PSD3: variants seen among roughly 807,000 people sequenced by gnomAD.
PSD3 encodes pleckstrin and Sec7 domain containing 3, also known as PH and SEC7 domain-containing protein 3.
A neutral mutation model predicts 105.5 loss-of-function variants in PSD3; 49 were observed. That is an observed-to-expected ratio of 0.46 (90% CI 0.37 to 0.59). The LOEUF (loss-of-function observed/expected upper bound fraction) is 0.59. Ranked by LOEUF, PSD3 falls within the 20% of genes least tolerant of loss-of-function variation. PSD3 has a pLI of 0.00. For synonymous variants in PSD3, 557 were observed against 457.8 expected (o/e 1.22, Z -2.77); for missense variants, 1,561 against 1,263.8 (o/e 1.24, Z -3.57).
chr8:18,879,331 C>T (rs1279058066), intron 2 of PSD3, among the ~76,000 whole-genome samples: 1 of 152,164 alleles, frequency 6.6e-6, no homozygotes, highest in Non-Finnish European at 1.5e-5. Flanking sequence ...CCCTGCGTGA[C>T]AGATTGCTTG....
At chr8:18,986,924 G>A (rs1825528408) in intron 1 of PSD3, among the ~76,000 whole-genome samples, 1 of 152,080 alleles carries the variant, frequency 6.6e-6, no homozygotes. Context: ...ACCCATTTAT[G>A]CTTAGTGTTC....
intron 1 of PSD3, among the ~76,000 whole-genome samples, chr8:18,991,400 A>ACACACT (rs1448423086): frequency 6.9e-6 from 1 of 145,584 alleles, no homozygotes; most frequent in African/African-American, 2.5e-5. Context: ...ACACACACAC[A>ACACACT]CTCCTGAAAC....
At chr8:18,729,231 C>T (rs1027623498) in intron 9 of PSD3, among the ~76,000 whole-genome samples, 5 of 152,208 alleles carry the variant, frequency 3.3e-5, no homozygotes, top group Non-Finnish European at 7.3e-5. Context: ...ACGTCCCCCA[C>T]AATCCACAAA....
intron 4 of PSD3, among the ~76,000 whole-genome samples, chr8:18,838,528 G>A (rs933092092): frequency 1.3e-5 from 2 of 152,106 alleles, no homozygotes; most frequent in South Asian, 2.1e-4. Context: ...CCGGCTGAGC[G>A]TGGTGGCTCA....
intron 4 of PSD3, among the ~76,000 whole-genome samples, chr8:18,850,499 G>T (rs1308661859): frequency 1.3e-5 from 2 of 152,166 alleles, no homozygotes; most frequent in African/African-American, 4.8e-5. Flanking sequence ...TCACCCTTAA[G>T]AGATTTTCAT....
At chr8:18,813,323 C>A (rs138060391) in intron 4 of PSD3, among the ~76,000 whole-genome samples, 1 of 152,004 alleles carries the variant, frequency 6.6e-6, no homozygotes, top group Non-Finnish European at 1.5e-5. Context: ...GAGTTTGGTT[C>A]GAAGAAACGA....
At chr8:18,717,482 T>C (rs2129424893) in intron 9 of PSD3, among the ~76,000 whole-genome samples, 2 of 152,230 alleles carry the variant, frequency 1.3e-5, no homozygotes, top group South Asian at 4.1e-4. Context: ...CTTTATACAA[T>C]GTTAATGTTG....
At chr8:18,935,809 A>T (rs542419948) in intron 2 of PSD3, among the ~76,000 whole-genome samples, 25 of 152,356 alleles carry the variant, frequency 1.6e-4, no homozygotes, top group African/African-American at 5.8e-4. Context: ...AGAAGCTGAG[A>T]ATTCTTCAAA....
chr8:18,667,400 G>C (rs1799533263), intron 9 of PSD3, among the ~76,000 whole-genome samples: 1 of 151,952 alleles, frequency 6.6e-6, no homozygotes, highest in Non-Finnish European at 1.5e-5. Flanking sequence ...TACAAACCTT[G>C]AGCTAGATAC....
chr8:18,743,224 T>C (rs1385052785), intron 9 of PSD3, among the ~76,000 whole-genome samples: 1 of 152,102 alleles, frequency 6.6e-6, no homozygotes, highest in African/African-American at 2.4e-5. Context: ...TATTAATATG[T>C]ACAAGGGACA....
intron 1 of PSD3, among the ~76,000 whole-genome samples, chr8:19,004,401 C>A (rs942053800): frequency 6.6e-6 from 1 of 152,004 alleles, no homozygotes; most frequent in African/African-American, 2.4e-5. Flanking sequence ...TTGGAAAATA[C>A]GTGAGGGCCT....
intron 12 of PSD3, among the ~76,000 whole-genome samples, chr8:18,582,908 C>T (rs1321962927): frequency 2.7e-5 from 4 of 150,172 alleles, no homozygotes; most frequent in Admixed American, 1.3e-4. Context: ...TCACTGCAAC[C>T]TCCACCTCCT....
chr8:18,867,849 T>G lies in PSD3; in HGVS notation c.1459A>C (p.Lys487Gln), dbSNP rs777964267. 1 of 1,614,204 alleles carries G rather than the reference T, an allele frequency of 6.2e-7. No individual in the cohort carries two copies. Among genetic ancestry groups the G allele is most frequent in the Non-Finnish European group, 8.5e-7 (1 of 1,180,034 alleles). The change falls in exon 4 of 16, where the codon AAA (lysine) becomes CAA (glutamine). Residue 487 changes from lysine (K) to glutamine (Q), a missense_variant. Physicochemically the swap from Lys to Gln is moderately conservative, Grantham distance 53. Coordinates refer to ENST00000327040, the MANE Select transcript of PSD3 (RefSeq NM_015310.4). ...CTCTCCAAGAACTGACCACCTTCTTTAATGCGCTGTTGTATCATTGGAGTG... is the reference window on the plus strand; with the variant it reads ...CTCTCCAAGAACTGACCACCTTCTTGAATGCGCTGTTGTATCATTGGAGTG... The part of the protein sequence containing the change: ...PLTPMIQQRI[K>Q]EGGQFLERTS...
chr8:18,615,650 G>C (rs541322250), intron 11 of PSD3, among the ~76,000 whole-genome samples: 13 of 152,240 alleles, frequency 8.5e-5, no homozygotes, highest in African/African-American at 3.1e-4. Context: ...ATAATATCTA[G>C]AGCAGTTTCT....
In PSD3 at chr8:18,533,069, A is replaced by C. The variant is rs1799697397; in HGVS notation, c.*2674T>G. ...GCAACAGGCTTGGAGCAGCTGTGAA[A>C]GGAAACATCCTCAATTTCTTCTGGC... is the stretch of plus-strand genomic sequence containing the variant. On this transcript the variant is annotated 3_prime_UTR_variant, in exon 16 of 16. Coordinates refer to ENST00000327040, the MANE Select transcript of PSD3 (RefSeq NM_015310.4). 6.6e-6 allele frequency: 1 copy of C among 152,364 alleles called. No homozygotes were observed. Among genetic ancestry groups the C allele is most frequent in the Middle Eastern group, 3.4e-3 (1 of 294 alleles). The allele number at this position is 152,364 out of a possible 1,614,324, so 9.4% of individuals were successfully genotyped here.
chr8:18,996,793 C>T (rs528408797), intron 1 of PSD3, among the ~76,000 whole-genome samples: 4 of 151,908 alleles, frequency 2.6e-5, no homozygotes, highest in Non-Finnish European at 4.4e-5. Context: ...TCTGCGCTCT[C>T]TTACATACCC....
At chr8:18,680,503 G>C (rs1290289436) in intron 9 of PSD3, among the ~76,000 whole-genome samples, 1 of 152,146 alleles carries the variant, frequency 6.6e-6, no homozygotes. Flanking sequence ...ACCCAATGAA[G>C]AGCTGAGCTC....
Position 18,872,253 on chromosome 8 carries a change from G to C in PSD3, c.611C>G (p.Thr204Arg). 1 of 1,614,220 alleles carries C rather than the reference G, an allele frequency of 6.2e-7. No homozygotes were observed. Among genetic ancestry groups the C allele is most frequent in the Non-Finnish European group, 8.5e-7 (1 of 1,180,038 alleles). The change falls in exon 3 of 16, where the codon ACA becomes AGA. Residue 204 changes from threonine (T) to arginine (R), a missense_variant. Physicochemically the swap from Thr to Arg is moderately conservative, Grantham distance 71 (BLOSUM62 -1). Transcript: ENST00000327040. ...GCTCAAATAAAAACTTTCCTCCGTT[G>C]TTACTTCAGCTGAAAGAGGTATTTC... is the stretch of plus-strand genomic sequence containing the variant. ...LPEIPLSAEVTTEESFYLSIQ... is the reference protein window; with the variant it reads ...LPEIPLSAEVRTEESFYLSIQ...
At chr8:18,592,429 G>T (rs1803679822) in intron 12 of PSD3, among the ~76,000 whole-genome samples, 1 of 152,082 alleles carries the variant, frequency 6.6e-6, no homozygotes, top group Non-Finnish European at 1.5e-5. Flanking sequence ...AGAGCAGAAA[G>T]AAGAAAGAGG....
Sources: gnomAD v4.1 joint callset for allele counts (sites outside exome capture counted in the v4.1 genomes callset) on GRCh38, gnomAD v4.1.1 for gene constraint, MANE v1.5 for transcripts, NCBI Gene and HGNC (gene_info 2026-07-23, HGNC 2026-07-21) for gene names.